ADGB: variants seen among roughly 807,000 people sequenced by gnomAD.
The protein encoded by ADGB is androglobin.
In ADGB, 172 loss-of-function variants were observed where a neutral mutation model predicts 210.5. The ratio of observed to expected loss-of-function variants is 0.82; its 90% CI spans 0.72 to 0.93. ADGB has a LOEUF of 0.93. ADGB is among the 40% of genes least tolerant of loss of function. The probability of loss-of-function intolerance (pLI) is 0.00; values close to 1 mark genes in which losing one functional copy is unlikely to be tolerated. For synonymous variants in ADGB, 658 were observed against 662.7 expected (o/e 0.99, Z 0.11); for missense variants, 2,025 against 1,964.8 (o/e 1.03, Z -0.58).
chr6:146,684,669 C>G (rs991412546), intron 9 of ADGB, among the ~76,000 whole-genome samples: 1 of 152,036 alleles, frequency 6.6e-6, no homozygotes, highest in East Asian at 1.9e-4. Context: ...ATACACAGTA[C>G]CTTGTATTCC....
chr6:146,624,557 C>T (rs1027639559), intron 1 of ADGB, among the ~76,000 whole-genome samples: 3 of 151,736 alleles, frequency 2.0e-5, no homozygotes, highest in Admixed American at 2.0e-4. Context: ...TTTTTGGTTA[C>T]ATTTATTTTT....
chr6:146,787,061 T>A (rs888006900), intron 32 of ADGB, among the ~76,000 whole-genome samples: 1 of 152,104 alleles, frequency 6.6e-6, no homozygotes, highest in East Asian at 1.9e-4. Flanking sequence ...TGATTTGATA[T>A]CAAGTGGGGA....
intron 1 of ADGB, among the ~76,000 whole-genome samples, chr6:146,602,958 C>G (rs73588036): frequency 6.6e-6 from 1 of 152,166 alleles, no homozygotes; most frequent in East Asian, 1.9e-4. Context: ...GATGGCTGCT[C>G]TACTTAATTC....
chr6:146,732,011 C>T lies in ADGB; in HGVS notation c.2521-1109C>T, dbSNP rs1776995339. Among the ~76,000 whole-genome samples, 5 of 152,138 alleles carry T rather than the reference C, an allele frequency of 3.3e-5. No individual in the cohort carries two copies. In the South Asian group the frequency reaches 8.3e-4, roughly 25 times the overall value. ...ATATTGGTCTTTGGTTCCATATGTACGTACTTCAAGTGACATCTCCAGGCT... is the reference window on the plus strand; with the variant it reads ...ATATTGGTCTTTGGTTCCATATGTATGTACTTCAAGTGACATCTCCAGGCT... On this transcript the variant is annotated intron_variant, in intron 20 of 35. Transcript: ENST00000397944.
intron 28 of ADGB, among the ~76,000 whole-genome samples, chr6:146,766,817 G>T (rs546948435): frequency 7.9e-5 from 12 of 152,160 alleles, no homozygotes; most frequent in African/African-American, 2.6e-4. Context: ...ATAAACATAG[G>T]TGATAAATTG....
chr6:146,621,182 A>G (rs1780888022), intron 1 of ADGB, among the ~76,000 whole-genome samples: 1 of 152,106 alleles, frequency 6.6e-6, no homozygotes, highest in African/African-American at 2.4e-5. Context: ...ACTAGGTATT[A>G]ATTCTGATCT....
At chr6:146,667,967 G>A (rs1024139611) in intron 7 of ADGB, among the ~76,000 whole-genome samples, 1 of 151,958 alleles carries the variant, frequency 6.6e-6, no homozygotes, top group Non-Finnish European at 1.5e-5. Context: ...AAAGCCCACA[G>A]TCTTTCTTTC....
chr6:146,602,694 A>C (rs896815210), intron 1 of ADGB, among the ~76,000 whole-genome samples: 3 of 152,208 alleles, frequency 2.0e-5, no homozygotes, highest in Admixed American at 2.0e-4. Flanking sequence ...GACCAGTACC[A>C]GTCCATGGCC....
At chr6:146,770,278 A>C (rs979628819) in intron 29 of ADGB, among the ~76,000 whole-genome samples, 2 of 152,222 alleles carry the variant, frequency 1.3e-5, no homozygotes, top group East Asian at 3.8e-4. Flanking sequence ...TTGTGTGTAC[A>C]GAAGTTAAGA....
chr6:146,656,978 AT>A lies in ADGB; in HGVS notation c.611del (p.Met204ArgfsTer7). On this transcript the variant is annotated frameshift_variant and splice_region_variant, in exon 5 of 36. Coordinates refer to ENST00000397944, the MANE Select transcript of ADGB (RefSeq NM_024694.4). LOFTEE classifies it high-confidence loss of function. The stretch of plus-strand genomic sequence containing the variant: ...AAAGTATGTTGTGAAACTTTACTGG[AT>A]GGTAAGTCCATTTTCGTGTGCATAA... ...YGKYVVKLYW[M>X]GCWRKITIDD... 1 of 1,548,662 alleles carries A rather than the reference AT, an allele frequency of 6.5e-7. No homozygotes were observed. Among genetic ancestry groups the A allele is most frequent in the Admixed American group, 2.0e-5 (1 of 50,884 alleles).
chr6:146,768,067 G>C (rs895828938), intron 28 of ADGB, among the ~76,000 whole-genome samples: 1 of 152,118 alleles, frequency 6.6e-6, no homozygotes, highest in Non-Finnish European at 1.5e-5. Context: ...CTTGAATAAA[G>C]GCTACAGAAA....
At chr6:146,629,972 C>T (rs569367044) in intron 1 of ADGB, among the ~76,000 whole-genome samples, 99 of 152,282 alleles carry the variant, frequency 6.5e-4, no homozygotes, top group African/African-American at 2.1e-3. Flanking sequence ...CACTGTGGCT[C>T]GTGCCTATAA....
At chr6:146,652,059 T>A (rs1279646952) in intron 3 of ADGB, among the ~76,000 whole-genome samples, 3 of 152,114 alleles carry the variant, frequency 2.0e-5, no homozygotes, top group Non-Finnish European at 4.4e-5. Flanking sequence ...CCTTGAGCAT[T>A]GAATGTGTTG....
chr6:146,807,663 A>G, intron 35 of ADGB: 1 of 1,169,298 alleles, frequency 8.6e-7, no homozygotes, highest in Non-Finnish European at 1.2e-6. Context: ...GCCTGCTGAT[A>G]AGATATTGGG....
intron 7 of ADGB, among the ~76,000 whole-genome samples, chr6:146,671,786 T>C (rs1164654492): frequency 6.6e-6 from 1 of 152,172 alleles, no homozygotes; most frequent in Non-Finnish European, 1.5e-5. Flanking sequence ...AGGGATGTTA[T>C]GGAAGCCTCA....
chr6:146,762,963 A>G (rs1484925581), intron 27 of ADGB, among the ~76,000 whole-genome samples: 1 of 152,212 alleles, frequency 6.6e-6, no homozygotes, highest in Non-Finnish European at 1.5e-5. Flanking sequence ...TAAAGACTCA[A>G]GTGGACACCA....
chr6:146,610,024 CT>C (rs1346750074), intron 1 of ADGB, among the ~76,000 whole-genome samples: 1 of 152,134 alleles, frequency 6.6e-6, no homozygotes, highest in Non-Finnish European at 1.5e-5. Context: ...CAGGGGTTCT[CT>C]GAATTTCCTG....
intron 29 of ADGB, chr6:146,770,472 G>A (rs1777633991): frequency 5.1e-6 from 2 of 389,732 alleles, no homozygotes; most frequent in Non-Finnish European, 1.1e-5. Flanking sequence ...GCACTGTGCG[G>A]CCTCTTCTGA....
At position 146,685,716 on chromosome 6, in the gene ADGB, T is replaced by C. The variant is rs760266379; in HGVS notation, c.1217-18T>C. The C allele has an allele frequency of 9.0e-6, 13 of 1,441,516 alleles. No individual in the cohort carries two copies. The highest frequency in any genetic ancestry group is 1.2e-5 in the Non-Finnish European group (13 of 1,080,510). 89.3% of individuals were successfully genotyped at this position (1,441,516 alleles called of 1,614,324 possible). A position where few individuals can be genotyped will look rare whatever the true frequency, so the allele number is the denominator to read the frequency against. ...TTTGACTAGAATTTTCACAACATAATGTATGTTTGTTTTACAGGTTCTTCT... is the reference window on the plus strand; with the variant it reads ...TTTGACTAGAATTTTCACAACATAACGTATGTTTGTTTTACAGGTTCTTCT... On this transcript the variant is annotated intron_variant, in intron 9 of 35. Coordinates refer to ENST00000397944, the MANE Select transcript of ADGB (RefSeq NM_024694.4).
Sources: allele counts gnomAD v4.1 joint callset (sites outside exome capture counted in the v4.1 genomes callset), GRCh38; gene constraint gnomAD v4.1.1; transcripts MANE v1.5; gene names NCBI Gene and HGNC (gene_info 2026-07-23, HGNC 2026-07-21).